MYT1L: variants seen among roughly 807,000 people sequenced by gnomAD.
The protein encoded by MYT1L is myelin transcription factor 1 like, also known as myelin transcription factor 1-like protein.
In MYT1L, 12 loss-of-function variants were observed where a neutral mutation model predicts 126.7. The observed-to-expected ratio is 0.09, with a 90% CI of 0.06 to 0.15. MYT1L has a LOEUF of 0.15. Among genes scored for constraint, MYT1L ranks in the 10% least tolerant of loss-of-function variants. MYT1L has a pLI of 1.00. For synonymous variants in MYT1L, 541 were observed against 604.2 expected (o/e 0.90, Z 1.53); for missense variants, 979 against 1,585.2 (o/e 0.62, Z 6.49).
intron 3 of MYT1L, among the ~76,000 whole-genome samples, chr2:2,125,146 C>T (rs1245811326): frequency 1.3e-5 from 2 of 152,168 alleles, no homozygotes; most frequent in African/African-American, 4.8e-5. Flanking sequence ...CTCTTCTGCC[C>T]TTTTACTAAA....
At chr2:2,245,151 G>C (rs1295227423) in intron 2 of MYT1L, among the ~76,000 whole-genome samples, 1 of 152,156 alleles carries the variant, frequency 6.6e-6, no homozygotes, top group Non-Finnish European at 1.5e-5. Context: ...AGAGTGATTT[G>C]TTAAAATAGG....
intron 21 of MYT1L, among the ~76,000 whole-genome samples, chr2:1,821,996 C>T (rs1347840522): frequency 1.3e-5 from 2 of 152,182 alleles, no homozygotes; most frequent in Non-Finnish European, 2.9e-5. Flanking sequence ...TTCAACTACT[C>T]CTCTGTTTTC....
At chr2:1,828,255 T>C (rs2039641253) in intron 21 of MYT1L, 1 of 152,054 alleles carries the variant, frequency 6.6e-6, no homozygotes, top group Admixed American at 6.6e-5. Context: ...TTCCTGGTAC[T>C]AGGTGACACT....
intron 13 of MYT1L, among the ~76,000 whole-genome samples, chr2:1,909,790 C>A (rs376620021): frequency 6.6e-6 from 1 of 152,154 alleles, no homozygotes; most frequent in Non-Finnish European, 1.5e-5. Context: ...CGGTTTTGCA[C>A]GCGAGAGCTT....
In MYT1L at chr2:2,143,369, C is replaced by T. The variant is rs143706530; in HGVS notation, c.-304+29503G>A. On this transcript the variant is annotated intron_variant, in intron 3 of 24. Transcript: ENST00000647738. ...AATGCCCTAGAAAAACAGGAACTGA[C>T]GGAGGAGGCTGTGCCTGGGGCCGAG... 1.7e-3 allele frequency among the ~76,000 whole-genome samples: 262 copies of T among 151,826 alleles called. 1 individual carries two copies. Among genetic ancestry groups the T allele is most frequent in the East Asian group, 0.015 (75 of 5,118 alleles).
At chr2:2,115,678 C>CT (rs1173686480) in intron 3 of MYT1L, among the ~76,000 whole-genome samples, 1 of 152,244 alleles carries the variant, frequency 6.6e-6, no homozygotes, top group African/African-American at 2.4e-5. Context: ...CCCTGCCTTT[C>CT]TGTGGCTCGG....
Position 1,889,705 on chromosome 2 carries a change from T to C in MYT1L, c.2284-228A>G, listed in dbSNP as rs560325004. Reference sequence around the variant, plus strand: ...ATTGGTTGGAGAATCCAGGCATCCATCCCGCCATCCCTCTCTCCCTCCCTC... The same window carrying C: ...ATTGGTTGGAGAATCCAGGCATCCACCCCGCCATCCCTCTCTCCCTCCCTC... On this transcript the variant is annotated intron_variant, in intron 15 of 24. Coordinates refer to ENST00000647738, the MANE Select transcript of MYT1L (RefSeq NM_001303052.2). This position sits in a 1 kb window ranked among gnomAD's most constrained non-coding sequence, Gnocchi z 4.1. 1.3e-5 allele frequency among the ~76,000 whole-genome samples: 2 copies of C among 152,230 alleles called. No homozygotes were observed. The highest frequency in any genetic ancestry group is 4.1e-4 in the South Asian group (2 of 4,820).
intron 2 of MYT1L, among the ~76,000 whole-genome samples, chr2:2,229,211 T>C (rs957730952): frequency 6.6e-6 from 1 of 152,214 alleles, no homozygotes; most frequent in African/African-American, 2.4e-5. Flanking sequence ...AATGAGTTCT[T>C]CATATACAAA....
intron 21 of MYT1L, among the ~76,000 whole-genome samples, chr2:1,823,187 T>C (rs557162607): frequency 1.3e-5 from 2 of 152,306 alleles, no homozygotes; most frequent in African/African-American, 4.8e-5. Flanking sequence ...CACAGCCCTG[T>C]GGCAGCTTGG....
chr2:1,953,483 C>T (rs1404202014), intron 8 of MYT1L, among the ~76,000 whole-genome samples: 3 of 152,210 alleles, frequency 2.0e-5, no homozygotes, highest in Non-Finnish European at 4.4e-5. Flanking sequence ...CATGTCATTC[C>T]TGCTCATCCT....
At chr2:1,893,620 T>C (rs776656326) in intron 14 of MYT1L, among the ~76,000 whole-genome samples, 13 of 152,216 alleles carry the variant, frequency 8.5e-5, no homozygotes, top group Non-Finnish European at 1.3e-4. Context: ...TCGCAGTTGG[T>C]CATGGCTCCT....
intron 22 of MYT1L, among the ~76,000 whole-genome samples, chr2:1,807,597 G>A (rs1238834148): frequency 6.6e-6 from 1 of 152,112 alleles, no homozygotes; most frequent in Non-Finnish European, 1.5e-5. Flanking sequence ...AAAATTAGGG[G>A]TGCATCTTGC....
chr2:2,315,521 C>T (rs1333894307), intron 1 of MYT1L, among the ~76,000 whole-genome samples: 1 of 152,070 alleles, frequency 6.6e-6, no homozygotes, highest in African/African-American at 2.4e-5. Context: ...TTTTTGTGGG[C>T]TTTATGTGAT....
At chr2:2,194,331 G>A (rs1355458856) in intron 2 of MYT1L, among the ~76,000 whole-genome samples, 1 of 152,174 alleles carries the variant, frequency 6.6e-6, no homozygotes, top group East Asian at 1.9e-4. Flanking sequence ...CTCCCAAAAT[G>A]CTGGGATTAT....
At chr2:2,248,527 T>C (rs896324870) in intron 2 of MYT1L, among the ~76,000 whole-genome samples, 1 of 152,122 alleles carries the variant, frequency 6.6e-6, no homozygotes, top group Non-Finnish European at 1.5e-5. Flanking sequence ...ACTCCTTCTA[T>C]GAGGCCAGTA....
intron 4 of MYT1L, among the ~76,000 whole-genome samples, chr2:2,032,750 G>A (rs1574683569): frequency 9.3e-6 from 1 of 107,034 alleles, no homozygotes. Context: ...CCCGTCGCCA[G>A]TGCCTCTCAT....
intron 3 of MYT1L, among the ~76,000 whole-genome samples, chr2:2,136,053 A>T (rs1280134109): frequency 5.9e-5 from 9 of 152,178 alleles, no homozygotes; most frequent in Non-Finnish European, 1.2e-4. Context: ...CATAAAAGAG[A>T]ATGAGTTCAT....
At chr2:1,986,275 C>T (rs532814945) in intron 5 of MYT1L, among the ~76,000 whole-genome samples, 5 of 152,306 alleles carry the variant, frequency 3.3e-5, no homozygotes, top group South Asian at 2.1e-4. Context: ...AAGACACCTA[C>T]GCCTCTATTT....
At chr2:1,822,556 A>G (rs1455727491) in intron 21 of MYT1L, among the ~76,000 whole-genome samples, 3 of 152,170 alleles carry the variant, frequency 2.0e-5, no homozygotes, top group Non-Finnish European at 4.4e-5. Context: ...CCCTGGGACC[A>G]CATGGATCTG....
Sources: allele counts gnomAD v4.1 joint callset (sites outside exome capture counted in the v4.1 genomes callset), GRCh38; gene constraint gnomAD v4.1.1; non-coding constraint Gnocchi (gnomAD v3.1); transcripts MANE v1.5; gene names NCBI Gene and HGNC (gene_info 2026-07-23, HGNC 2026-07-21).